DPP10: variants seen among roughly 807,000 people sequenced by gnomAD.
The protein encoded by DPP10 is dipeptidyl peptidase like 10.
DPP10 carries 33 observed loss-of-function variants against 120.9 expected under a neutral mutation model. The ratio of observed to expected loss-of-function variants is 0.27; its 90% CI spans 0.21 to 0.37. DPP10 has a LOEUF of 0.37. DPP10 is among the 10% of genes least tolerant of loss of function. The pLI, the probability that DPP10 is intolerant of heterozygous loss-of-function variation, is 1.00. For missense variants in DPP10, 816 were observed against 942.8 expected (o/e 0.87, Z 1.76); for synonymous variants, 337 against 326.1 (o/e 1.03, Z -0.36).
At chr2:115,329,086 A>G (rs1574441119) in intron 2 of DPP10, among the ~76,000 whole-genome samples, 1 of 152,076 alleles carries the variant, frequency 6.6e-6, no homozygotes, top group Admixed American at 6.6e-5. Flanking sequence ...ACTCAGTATG[A>G]ATATCCTAAA....
chr2:115,689,932 G>A lies in DPP10; in HGVS notation c.576+11G>A, dbSNP rs2091218491. On this transcript the variant is annotated intron_variant, in intron 7 of 25. Coordinates refer to ENST00000410059, the MANE Select transcript of DPP10 (RefSeq NM_020868.6). The stretch of plus-strand genomic sequence containing the variant: ...CAAGGGCAGCAGCTGGTAAGCGCAG[G>A]CATTGGTATGCACTGAACACTGCCA... The A allele has an allele frequency of 6.2e-7, 1 of 1,613,380 alleles. No homozygotes were observed. Among genetic ancestry groups the A allele is most frequent in the African/African-American group, 1.3e-5 (1 of 75,016 alleles).
intron 5 of DPP10, among the ~76,000 whole-genome samples, chr2:115,628,971 C>T (rs1376154110): frequency 6.6e-6 from 1 of 152,122 alleles, no homozygotes. Flanking sequence ...CCCCTTCCCC[C>T]TACCCCACGA....
intron 1 of DPP10, among the ~76,000 whole-genome samples, chr2:115,218,168 T>C (rs2056940923): frequency 6.6e-6 from 1 of 152,192 alleles, no homozygotes; most frequent in Non-Finnish European, 1.5e-5. Flanking sequence ...TCTTGACTTA[T>C]ATTCAAAAGG....
chr2:115,768,196 T>A, intron 12 of DPP10, 101 bp from the exon 13 acceptor site: 1 of 937,320 alleles, frequency 1.1e-6, no homozygotes, highest in East Asian at 2.8e-5. Flanking sequence ...TAACTAATTA[T>A]AAATCAATAT....
chr2:114,801,415 G>A (rs1684239266), intron 1 of DPP10, among the ~76,000 whole-genome samples: 1 of 152,150 alleles, frequency 6.6e-6, no homozygotes, highest in South Asian at 2.1e-4. Context: ...TCCCCTTCAA[G>A]AGCACCTCTG....
chr2:114,569,609 G>T (rs543776809), intron 1 of DPP10, among the ~76,000 whole-genome samples: 1 of 152,088 alleles, frequency 6.6e-6, no homozygotes, highest in Admixed American at 6.6e-5. Context: ...TGTCCCCTGA[G>T]AAAATATATT....
chr2:115,134,783 C>T (rs930387201), intron 1 of DPP10, among the ~76,000 whole-genome samples: 2 of 151,942 alleles, frequency 1.3e-5, no homozygotes, highest in African/African-American at 2.4e-5. Context: ...ACAGTGGTTT[C>T]GTTGTATTAT....
chr2:114,878,284 T>C (rs1691315807), intron 1 of DPP10, among the ~76,000 whole-genome samples: 1 of 152,128 alleles, frequency 6.6e-6, no homozygotes, highest in Admixed American at 6.6e-5. Context: ...TGTTTTTTAA[T>C]AGATTCATTT....
chr2:114,858,619 C>A (rs1311464753), intron 1 of DPP10, among the ~76,000 whole-genome samples: 1 of 152,110 alleles, frequency 6.6e-6, no homozygotes, highest in Non-Finnish European at 1.5e-5. Flanking sequence ...GTAATTGAAA[C>A]AGAGTTTCAT....
chr2:115,761,369 A>G (rs904654148), intron 11 of DPP10, among the ~76,000 whole-genome samples: 1 of 152,232 alleles, frequency 6.6e-6, no homozygotes, highest in Non-Finnish European at 1.5e-5. Context: ...ATAAATTAAA[A>G]TGCTTTAATA....
At chr2:114,575,681 T>A (rs1689995247) in intron 1 of DPP10, among the ~76,000 whole-genome samples, 1 of 152,250 alleles carries the variant, frequency 6.6e-6, no homozygotes, top group Admixed American at 6.5e-5. Context: ...CGCTACTATG[T>A]GCTGTCTCCT....
At chr2:115,747,674 A>G (rs1279996226) in intron 10 of DPP10, among the ~76,000 whole-genome samples, 1 of 151,214 alleles carries the variant, frequency 6.6e-6, no homozygotes, top group East Asian at 1.9e-4. Context: ...GCTCACTACA[A>G]GCTCCGCCTC....
intron 1 of DPP10, among the ~76,000 whole-genome samples, chr2:114,997,451 C>A (rs1701164638): frequency 6.7e-6 from 1 of 149,678 alleles, no homozygotes. Flanking sequence ...GAGACTGTGC[C>A]ACTGCACTCC....
chr2:115,494,306 A>G (rs2076281268), intron 3 of DPP10, among the ~76,000 whole-genome samples: 1 of 152,132 alleles, frequency 6.6e-6, no homozygotes, highest in South Asian at 2.1e-4. Flanking sequence ...CTTAGAGCGC[A>G]TTGACTTGTT....
At chr2:115,131,386 G>A (rs72953483) in intron 1 of DPP10, among the ~76,000 whole-genome samples, 3,176 of 152,104 alleles carry the variant, frequency 0.021, 106 homozygotes, top group African/African-American at 0.074. Flanking sequence ...ATTGATATGT[G>A]TCTGTGGTCC....
intron 1 of DPP10, among the ~76,000 whole-genome samples, chr2:114,495,166 CTT>C (rs1430926043): frequency 7.2e-5 from 11 of 152,072 alleles, no homozygotes; most frequent in Non-Finnish European, 1.6e-4. Flanking sequence ...ACATGTATGT[CTT>C]TGTTATAAAA....
At chr2:115,006,240 C>T (rs1001896518) in intron 1 of DPP10, among the ~76,000 whole-genome samples, 2 of 152,000 alleles carry the variant, frequency 1.3e-5, no homozygotes, top group African/African-American at 4.8e-5. Flanking sequence ...AAAGGAACAA[C>T]CGGTACCAGA....
At chr2:115,016,570 C>A (rs4641939) in intron 1 of DPP10, among the ~76,000 whole-genome samples, 59,586 of 151,724 alleles carry the variant, frequency 0.39, 11,892 homozygotes, top group South Asian at 0.53. Flanking sequence ...AACAGGCAAC[C>A]TACAGAATGG....
At chr2:114,694,598 G>A (rs1699962232) in intron 1 of DPP10, among the ~76,000 whole-genome samples, 1 of 151,892 alleles carries the variant, frequency 6.6e-6, no homozygotes, top group Non-Finnish European at 1.5e-5. Flanking sequence ...ATAACCATGT[G>A]CCAAATTCTG....
Sources: allele counts gnomAD v4.1 joint callset (sites outside exome capture counted in the v4.1 genomes callset), GRCh38; gene constraint gnomAD v4.1.1; transcripts MANE v1.5; gene names NCBI Gene and HGNC (gene_info 2026-07-23, HGNC 2026-07-21).